Variants in BRD4 observed in about 807,000 individuals in gnomAD.
BRD4 encodes bromodomain-containing protein 4.
A neutral mutation model predicts 142.1 loss-of-function variants in BRD4; 16 were observed. The ratio of observed to expected loss-of-function variants is 0.11; its 90% CI spans 0.08 to 0.17. The LOEUF is 0.17. BRD4 is among the 10% of genes least tolerant of loss of function. BRD4 has a pLI of 1.00. For synonymous variants in BRD4, 833 were observed against 707.5 expected (o/e 1.18, Z -2.82); for missense variants, 1,424 against 1,810.9 (o/e 0.79, Z 3.88).
chr19:15,244,722 CCT>C lies in BRD4; in HGVS notation c.2197_2198del (p.Arg733GlyfsTer85), dbSNP rs1236371593. On this transcript the variant is annotated frameshift_variant, in exon 12 of 20. Coordinates refer to ENST00000679869, the MANE Select transcript of BRD4 (RefSeq NM_001379291.1). LOFTEE classifies it high-confidence loss of function. ...TGAGCCCATGTACCTTCTTCTGCTC[CCT>C]CCCGGGGTGCCCCTTCTTTTTTGAC... ...PKSKKKGHPG[R>X]EQKKHHHHHH... 6.2e-7 allele frequency: 1 copy of C among 1,614,094 alleles called. No individual in the cohort carries two copies. The highest frequency in any genetic ancestry group is 8.5e-7 in the Non-Finnish European group (1 of 1,180,020).
intron 4 of BRD4, among the ~76,000 whole-genome samples, chr19:15,265,957 G>A (rs2067587745): frequency 6.6e-6 from 1 of 152,186 alleles, no homozygotes; most frequent in Non-Finnish European, 1.5e-5. Context: ...GGGACAGAGA[G>A]CGGGAAAACA....
chr19:15,267,105 T>A (rs550601301), intron 4 of BRD4, among the ~76,000 whole-genome samples: 7 of 152,344 alleles, frequency 4.6e-5, no homozygotes, highest in African/African-American at 1.7e-4. Flanking sequence ...AAACCACCTA[T>A]GATACTGGCA....
intron 1 of BRD4, among the ~76,000 whole-genome samples, chr19:15,276,537 C>T (rs535547344): frequency 1.3e-5 from 2 of 152,130 alleles, no homozygotes; most frequent in Non-Finnish European, 2.9e-5. Flanking sequence ...GCATCTGGTG[C>T]TTCCCTCATC....
At chr19:15,256,865 TG>T in intron 8 of BRD4, 98 bp downstream of exon 8, 2 of 1,111,858 alleles carry the variant, frequency 1.8e-6, no homozygotes, top group Non-Finnish European at 2.5e-6. Flanking sequence ...TATGCTCCCT[TG>T]GGAACTCAGA....
chr19:15,247,633 A>C, intron 11 of BRD4: 1 of 233,104 alleles, frequency 4.3e-6, no homozygotes. Context: ...ATTTGGTCCA[A>C]GAAAGCAGAA....
At chr19:15,242,301 GC>G (rs1485018212) in intron 14 of BRD4, among the ~76,000 whole-genome samples, 1 of 152,202 alleles carries the variant, frequency 6.6e-6, no homozygotes, top group Non-Finnish European at 1.5e-5. Context: ...GCCGGAGCCA[GC>G]CAGGACATTC....
In BRD4 at chr19:15,260,840, T is replaced by C. The variant is rs542158710; in HGVS notation, c.1341+2580A>G. Among the ~76,000 whole-genome samples, 10 of 149,732 alleles carry C rather than the reference T, an allele frequency of 6.7e-5. No homozygotes were observed. In the South Asian group the frequency reaches 1.9e-3, roughly 28 times the overall value. ...ACCACTTAAAACCCAAAAATCTTTG[T>C]TGGAGAAAATCTGCGAAAAGGAGGT... On this transcript the variant is annotated intron_variant, in intron 7 of 19. Transcript: ENST00000679869.
chr19:15,273,187 C>T lies in BRD4; in HGVS notation c.-34-54G>A, dbSNP rs138796399. On this transcript the variant is annotated intron_variant, in intron 1 of 19. Transcript: ENST00000679869. Reference sequence around the variant, plus strand: ...GATATCAGTCAGCAGATGGGCACCGCTCAGAATGACAAGTCCCTCTGGCTG... The same window carrying T: ...GATATCAGTCAGCAGATGGGCACCGTTCAGAATGACAAGTCCCTCTGGCTG... 135 of 1,477,116 alleles carry T rather than the reference C, an allele frequency of 9.1e-5. 1 individual carries two copies. In the East Asian group the frequency reaches 3.1e-3, roughly 33 times the overall value. The allele number at this position is 1,477,116 out of a possible 1,614,324, so 91.5% of individuals were successfully genotyped here. A position where few individuals can be genotyped will look rare whatever the true frequency, so the allele number is the denominator to read the frequency against.
chr19:15,313,140 G>A (rs907055733), intron 1 of BRD4, among the ~76,000 whole-genome samples: 6 of 152,090 alleles, frequency 3.9e-5, no homozygotes, highest in African/African-American at 1.4e-4. Flanking sequence ...GGGAGGCTGA[G>A]GCGGGCGGAT....
chr19:15,263,458 G>T lies in BRD4; in HGVS notation c.1303C>A (p.Pro435Thr). ...GCCATGGCCACCACCTCATGGTCAG[G>T]AGGGTTGTACTTATAGCAGTTGGAG... is the stretch of plus-strand genomic sequence containing the variant. ...MFSNCYKYNPPDHEVVAMARK... is the reference protein window; with the variant it reads ...MFSNCYKYNPTDHEVVAMARK... Residue 435 changes from proline (P) to threonine (T), a missense_variant, in exon 7 of 20, where the codon CCT (proline) becomes ACT (threonine). Pro to Thr is a conservative substitution (Grantham distance 38). Around this residue, in one of 16 missense-constraint regions of BRD4, gnomAD observed 22 missense variants for 49.5 expected, o/e 0.44. Transcript: ENST00000679869. 1.9e-6 allele frequency: 3 copies of T among 1,614,210 alleles called. No individual in the cohort carries two copies. The highest frequency in any genetic ancestry group is 8.5e-7 in the Non-Finnish European group (1 of 1,180,024).
chr19:15,253,612 G>A (rs756592769), intron 11 of BRD4: 10 of 1,594,780 alleles, frequency 6.3e-6, no homozygotes, highest in Non-Finnish European at 6.8e-6. Flanking sequence ...GGCAATGGCT[G>A]GGGCCCAGGT....
At chr19:15,305,052 G>C (rs937205444) in intron 1 of BRD4, among the ~76,000 whole-genome samples, 4 of 137,902 alleles carry the variant, frequency 2.9e-5, no homozygotes, top group African/African-American at 1.1e-4. Flanking sequence ...TTGAGACGGA[G>C]TTGTTGCCCA....
chr19:15,276,947 CAG>C (rs2047653701), intron 1 of BRD4, among the ~76,000 whole-genome samples: 1 of 152,132 alleles, frequency 6.6e-6, no homozygotes, highest in Admixed American at 6.5e-5. Flanking sequence ...GAAGAAGGGA[CAG>C]AGAATGAGAC....
chr19:15,274,218 A>C (rs2047621740), intron 1 of BRD4, among the ~76,000 whole-genome samples: 2 of 152,194 alleles, frequency 1.3e-5, no homozygotes, highest in South Asian at 4.1e-4. Flanking sequence ...ACACCAAGTG[A>C]CTGGACACAA....
chr19:15,244,665 G>A, intron 12 of BRD4, 45 bp downstream of exon 12: 1 of 1,614,088 alleles, frequency 6.2e-7, no homozygotes, highest in Non-Finnish European at 8.5e-7. Context: ...GCCCGGGCCA[G>A]ACCCAACGTC....
At chr19:15,267,629 C>T in intron 3 of BRD4, 78 bp from the exon 4 acceptor site, 1 of 1,513,862 alleles carries the variant, frequency 6.6e-7, no homozygotes, top group Non-Finnish European at 8.9e-7. Context: ...CCATGCCACC[C>T]ACCCCCTGCC....
Position 15,326,829 on chromosome 19 carries a change from T to G in BRD4, c.-35+5461A>C, listed in dbSNP as rs1404926541. On this transcript the variant is annotated intron_variant, in intron 1 of 19. Transcript: ENST00000679869. ...GTGGACTACATTCCATGAATTATGC[T>G]AGGACATGTGCACGTGGTTTAATTG... Among the ~76,000 whole-genome samples, 3 of 152,202 alleles carry G rather than the reference T, an allele frequency of 2.0e-5. No homozygotes were observed. The East Asian group carries it at 5.8e-4, about 29-fold the overall frequency.
chr19:15,269,075 C>T, intron 2 of BRD4, 33 bp from the exon 3 acceptor site: 4 of 1,611,892 alleles, frequency 2.5e-6, no homozygotes, highest in Non-Finnish European at 3.4e-6. Flanking sequence ...CCAGTGTCAC[C>T]TAGGCAGCCA....
intron 4 of BRD4, among the ~76,000 whole-genome samples, chr19:15,266,448 C>G (rs969374708): frequency 2.0e-5 from 3 of 152,218 alleles, no homozygotes; most frequent in Admixed American, 6.5e-5. Flanking sequence ...CTTCCTCAGG[C>G]ACAACTCCTG....
Sources: gnomAD v4.1 joint callset for allele counts (sites outside exome capture counted in the v4.1 genomes callset) on GRCh38, gnomAD v4.1.1 for gene constraint, gnomAD v4.1.1 regional missense constraint, MANE v1.5 for transcripts, NCBI Gene and HGNC (gene_info 2026-07-23, HGNC 2026-07-21) for gene names.